Variants in RFT1 observed in about 807,000 individuals in gnomAD.
RFT1 encodes man(5)GlcNAc(2)-PP-dolichol translocation protein RFT1.
RFT1 carries 43 observed loss-of-function variants against 62.2 expected under a neutral mutation model. The ratio of observed to expected loss-of-function variants is 0.69; its 90% CI spans 0.54 to 0.89. The LOEUF (loss-of-function observed/expected upper bound fraction) is 0.89. RFT1 is among the 40% of genes least tolerant of loss of function. The pLI is 0.00. For missense variants in RFT1, 605 were observed against 649.9 expected, an observed-to-expected ratio of 0.93 and a Z score of 0.75; for synonymous variants, 262 against 264.6, an observed-to-expected ratio of 0.99 and a Z score of 0.10.
At chr3:53,071,144 T>C in the RFT1 span, among the ~76,000 whole-genome samples, 2 of 152,084 alleles carry the variant, frequency 1.3e-5, no homozygotes, top group African/African-American at 4.8e-5. Context: ...CCACCCAAAG[T>C]GCTGGGATTA....
chr3:53,086,206 A>ATTTCT (rs765251863), downstream of RFT1, among the ~76,000 whole-genome samples: 2 of 152,374 alleles, frequency 1.3e-5, no homozygotes, highest in South Asian at 4.1e-4. Context: ...TTGTCTCAGA[A>ATTTCT]GTCTCATTTC....
At chr3:53,099,241 G>A (rs1701240203) in intron 11 of RFT1, 140 bp downstream of exon 11, 2 of 713,686 alleles carry the variant, frequency 2.8e-6, no homozygotes, top group South Asian at 3.0e-5. Flanking sequence ...TCCCAGGGGA[G>A]CACCACACTG....
chr3:53,108,492 G>A (rs1258693343), intron 7 of RFT1, among the ~76,000 whole-genome samples: 3 of 150,560 alleles, frequency 2.0e-5, no homozygotes, highest in South Asian at 2.1e-4. Context: ...GGGTTCAAGC[G>A]ATTCTTCTGC....
rs1700956344 is a variant in RFT1 at position 53,090,337 on chromosome 3, C to T, written c.*1566G>A. The stretch of plus-strand genomic sequence containing the variant: ...CATGGGAGGGAAGGAGGACTGCCTT[C>T]CGTGTGTGCTCCACTTGACCCTATG... On this transcript the variant is annotated 3_prime_UTR_variant, in exon 13 of 13. Transcript: ENST00000296292. The T allele has an allele frequency of 6.5e-6, 1 of 152,716 alleles. No individual in the cohort carries two copies. The highest frequency in any genetic ancestry group is 1.9e-4 in the East Asian group (1 of 5,204). 9.5% of individuals were successfully genotyped at this position (152,716 alleles called of 1,614,324 possible). A position where few individuals can be genotyped will look rare whatever the true frequency, so the allele number is the denominator to read the frequency against.
At chr3:53,113,742 C>A (rs147417644) in intron 6 of RFT1, among the ~76,000 whole-genome samples, 1 of 152,212 alleles carries the variant, frequency 6.6e-6, no homozygotes, top group African/African-American at 2.4e-5. Flanking sequence ...ATGTATTTTG[C>A]ATTTATGACT....
the RFT1 span, among the ~76,000 whole-genome samples, chr3:53,070,527 G>A: frequency 6.9e-6 from 1 of 144,760 alleles, no homozygotes. Context: ...TCAGCTTCCC[G>A]AGTAGCTGGG....
At chr3:53,077,011 G>A in the RFT1 span, among the ~76,000 whole-genome samples, 1 of 152,040 alleles carries the variant, frequency 6.6e-6, no homozygotes, top group Non-Finnish European at 1.5e-5. Context: ...TCAAGAAGAG[G>A]GGAATCAGTA....
chr3:53,104,054 T>C lies in RFT1; in HGVS notation c.1001A>G (p.Lys334Arg), dbSNP rs748711257. 2 of 1,614,174 alleles carry C rather than the reference T, an allele frequency of 1.2e-6. No individual in the cohort carries two copies. The highest frequency in any genetic ancestry group is 1.1e-5 in the South Asian group (1 of 91,082). ...GGTCAGGCCGGCCAGCAGGGCCAGC[T>C]TGAGCAGGGACTCCAAGACTGCAGC... ...VAAAVLESLL[K>R]LALLAGLTIT... is the part of the protein sequence containing the mutation. Residue 334 changes from lysine (K) to arginine (R), a missense_variant, in exon 10 of 13, where the codon AAG becomes AGG. Coordinates refer to ENST00000296292, the MANE Select transcript of RFT1 (RefSeq NM_052859.4).
At chr3:53,109,389 T>C (rs529820636) in intron 7 of RFT1, among the ~76,000 whole-genome samples, 1 of 152,328 alleles carries the variant, frequency 6.6e-6, no homozygotes, top group East Asian at 1.9e-4. Context: ...TCTGTGTCTT[T>C]GGTGAGAGAA....
intron 11 of RFT1, among the ~76,000 whole-genome samples, chr3:53,098,801 C>CAAAAAAA (rs35371104): frequency 3.6e-4 from 21 of 57,610 alleles, no homozygotes; most frequent in Admixed American, 1.2e-3. Flanking sequence ...GACTCCATCT[C>CAAAAAAA]AAAAAAAAAA....
the RFT1 span, among the ~76,000 whole-genome samples, chr3:53,079,944 G>A: frequency 6.6e-6 from 1 of 152,220 alleles, no homozygotes; most frequent in African/African-American, 2.4e-5. Context: ...ATGTGGGGGT[G>A]CAGGGGTGTC....
chr3:53,097,025 G>A (rs1190666820), intron 11 of RFT1, among the ~76,000 whole-genome samples: 1 of 152,168 alleles, frequency 6.6e-6, no homozygotes, highest in Non-Finnish European at 1.5e-5. Context: ...GATTACAGGT[G>A]TGAGCCACCG....
At chr3:53,125,331 C>A (rs1402638116) in intron 2 of RFT1, among the ~76,000 whole-genome samples, 1 of 152,170 alleles carries the variant, frequency 6.6e-6, no homozygotes, top group Non-Finnish European at 1.5e-5. Flanking sequence ...ACAAAATATG[C>A]GTGGGTGTCC....
chr3:53,099,798 G>A (rs1202632044), intron 10 of RFT1, among the ~76,000 whole-genome samples: 1 of 152,150 alleles, frequency 6.6e-6, no homozygotes, highest in Non-Finnish European at 1.5e-5. Flanking sequence ...GACCAGCCTG[G>A]GCAACATGAT....
intron 11 of RFT1, among the ~76,000 whole-genome samples, chr3:53,097,717 T>A (rs1701183342): frequency 6.6e-6 from 1 of 152,272 alleles, no homozygotes; most frequent in Non-Finnish European, 1.5e-5. Context: ...ACACTCCTAG[T>A]CCTGCTCTTT....
At chr3:53,071,126 C>T in the RFT1 span, among the ~76,000 whole-genome samples, 1 of 152,078 alleles carries the variant, frequency 6.6e-6, no homozygotes, top group Non-Finnish European at 1.5e-5. Context: ...CCCCTAGGCT[C>T]AAGCAATCCA....
At position 53,089,829 on chromosome 3, in the gene RFT1, G is replaced by A. The variant is rs1575476662; in HGVS notation, c.*2074C>T. 1 of 152,412 alleles carries A rather than the reference G, an allele frequency of 6.6e-6. No individual in the cohort carries two copies. The allele number at this position is 152,412 out of a possible 1,614,324, so 9.4% of individuals were successfully genotyped here. A position where few individuals can be genotyped will look rare whatever the true frequency, so the allele number is the denominator to read the frequency against. On this transcript the variant is annotated 3_prime_UTR_variant, in exon 13 of 13. Coordinates refer to ENST00000296292, the MANE Select transcript of RFT1 (RefSeq NM_052859.4). ...GGCGAACAGCAGGGGAGGGATGAGAGAGTGAGCACTGCCTTCAGACATAGA... is the reference window on the plus strand; with the variant it reads ...GGCGAACAGCAGGGGAGGGATGAGAAAGTGAGCACTGCCTTCAGACATAGA...
chr3:53,068,206 G>A, the RFT1 span, among the ~76,000 whole-genome samples: 2 of 152,138 alleles, frequency 1.3e-5, no homozygotes, highest in Non-Finnish European at 2.9e-5. Flanking sequence ...ACCTTGTGGT[G>A]TCTTCTCCCT....
chr3:53,068,532 G>A, the RFT1 span, among the ~76,000 whole-genome samples: 1 of 152,194 alleles, frequency 6.6e-6, no homozygotes, highest in East Asian at 1.9e-4. Context: ...ACAGGTGACA[G>A]AACAGAGGCT....
Sources: allele counts gnomAD v4.1 joint callset (sites outside exome capture counted in the v4.1 genomes callset), GRCh38; gene constraint gnomAD v4.1.1; transcripts MANE v1.5; gene names NCBI Gene and HGNC (gene_info 2026-07-23, HGNC 2026-07-21).